Variants in GMDS observed in about 807,000 individuals in gnomAD.
GMDS encodes the protein GDP-mannose 4,6-dehydratase.
A neutral mutation model predicts 49.9 loss-of-function variants in GMDS; 20 were observed. The observed-to-expected ratio is 0.40, with a 90% CI of 0.28 to 0.58. The LOEUF is 0.58. GMDS is among the 20% of genes least tolerant of loss of function. GMDS has a pLI of 0.42. For synonymous variants in GMDS, 177 were observed against 178.6 expected (o/e 0.99, Z 0.07); for missense variants, 362 against 481.4 (o/e 0.75, Z 2.32).
intron 4 of GMDS, among the ~76,000 whole-genome samples, chr6:2,094,992 G>T (rs550275461): frequency 3.8e-4 from 58 of 152,278 alleles, no homozygotes; most frequent in South Asian, 3.5e-3. Context: ...TTCTCACTAA[G>T]AATCAAATGA....
rs192580367 is a variant in GMDS at position 1,820,456 on chromosome 6, G to A, written c.772-77870C>T. On this transcript the variant is annotated intron_variant, in intron 7 of 10. Transcript: ENST00000380815. ...ATATAAGAAATAACATTTCGGTCTG[G>A]GTATCTGACTAATGGTTATTTATGG... is the stretch of plus-strand genomic sequence containing the variant. Among the ~76,000 whole-genome samples, 6 of 152,090 alleles carry A rather than the reference G, an allele frequency of 3.9e-5. No individual in the cohort carries two copies. In the East Asian group the frequency reaches 1.2e-3, roughly 29 times the overall value.
At chr6:1,638,819 A>T (rs531072380) in intron 9 of GMDS, among the ~76,000 whole-genome samples, 1 of 152,294 alleles carries the variant, frequency 6.6e-6, no homozygotes, top group South Asian at 2.1e-4. Context: ...TAGGGTGTGG[A>T]GACTGAGGGA....
intron 4 of GMDS, among the ~76,000 whole-genome samples, chr6:2,041,591 T>C (rs1248798993): frequency 6.6e-6 from 1 of 152,110 alleles, no homozygotes; most frequent in Non-Finnish European, 1.5e-5. Flanking sequence ...TCCCTGATCC[T>C]CACCCTCCCA....
chr6:1,923,707 C>T (rs1206304733), intron 7 of GMDS, among the ~76,000 whole-genome samples: 1 of 152,200 alleles, frequency 6.6e-6, no homozygotes, highest in African/African-American at 2.4e-5. Flanking sequence ...GTCACAAGTC[C>T]AGTGAAAGGG....
At chr6:1,762,168 C>T (rs1445121518) in intron 7 of GMDS, among the ~76,000 whole-genome samples, 2 of 152,228 alleles carry the variant, frequency 1.3e-5, no homozygotes, top group Non-Finnish European at 2.9e-5. Context: ...TAACCGTCTG[C>T]ATTTATTAAG....
chr6:1,674,556 CTCTCTTTTTTTTTTTT>C (rs1294780209), intron 9 of GMDS, among the ~76,000 whole-genome samples: 1 of 85,280 alleles, frequency 1.2e-5, no homozygotes, highest in African/African-American at 3.7e-5. Flanking sequence ...CTCTCTCTCT[CTCTCTTTTTTTTTTTT>C]TTTTTTTTTT....
chr6:1,999,954 G>GTATATTATA (rs1561961538), intron 4 of GMDS, among the ~76,000 whole-genome samples: 3 of 12,276 alleles, frequency 2.4e-4, no homozygotes, highest in Non-Finnish European at 3.5e-4. Flanking sequence ...TATATAATAT[G>GTATATTATA]TATATTATAT....
At chr6:1,845,502 A>G (rs1757357783) in intron 7 of GMDS, among the ~76,000 whole-genome samples, 1 of 152,222 alleles carries the variant, frequency 6.6e-6, no homozygotes, top group Admixed American at 6.5e-5. Context: ...CATTAAATGA[A>G]TATCTAGCAT....
intron 10 of GMDS, 32 bp downstream of exon 10, chr6:1,624,440 A>G (rs753818796): frequency 3.2e-6 from 5 of 1,586,968 alleles, no homozygotes; most frequent in Non-Finnish European, 8.6e-7. Context: ...GGGGCCCCGC[A>G]GCGGGCGGCG....
At chr6:2,097,425 T>C (rs186005454) in intron 4 of GMDS, among the ~76,000 whole-genome samples, 1 of 152,094 alleles carries the variant, frequency 6.6e-6, no homozygotes, top group African/African-American at 2.4e-5. Flanking sequence ...GGGTGCAGCT[T>C]AAGTAGAAAA....
At chr6:1,888,869 A>T (rs1403263328) in intron 7 of GMDS, among the ~76,000 whole-genome samples, 1 of 152,172 alleles carries the variant, frequency 6.6e-6, no homozygotes, top group Non-Finnish European at 1.5e-5. Context: ...GGTCCCATTC[A>T]AGTCTGAAAT....
At chr6:2,086,094 T>C (rs552347169) in intron 4 of GMDS, among the ~76,000 whole-genome samples, 1 of 152,334 alleles carries the variant, frequency 6.6e-6, no homozygotes, top group African/African-American at 2.4e-5. Flanking sequence ...CTGGTTTTGA[T>C]TGTTTGCTCC....
At chr6:2,239,507 T>C (rs1251145610) in intron 1 of GMDS, among the ~76,000 whole-genome samples, 1 of 152,144 alleles carries the variant, frequency 6.6e-6, no homozygotes, top group Non-Finnish European at 1.5e-5. Flanking sequence ...AATAACCAGG[T>C]AACCCTTTCA....
intron 7 of GMDS, among the ~76,000 whole-genome samples, chr6:1,897,078 G>A (rs1267345412): frequency 1.3e-5 from 2 of 152,206 alleles, no homozygotes; most frequent in East Asian, 3.9e-4. Flanking sequence ...GGACAAGGGA[G>A]GCGAAGGCTG....
intron 4 of GMDS, among the ~76,000 whole-genome samples, chr6:2,001,731 C>A (rs1180365031): frequency 6.6e-6 from 1 of 152,168 alleles, no homozygotes; most frequent in South Asian, 2.1e-4. Flanking sequence ...CAGAAAAAAA[C>A]CCATGTGTCT....
intron 6 of GMDS, among the ~76,000 whole-genome samples, chr6:1,938,411 C>T (rs1315657822): frequency 6.6e-6 from 1 of 152,120 alleles, no homozygotes; most frequent in African/African-American, 2.4e-5. Context: ...TTAACTAGCT[C>T]GTATTTGAAA....
chr6:1,926,162 G>A (rs577274365), intron 7 of GMDS, among the ~76,000 whole-genome samples: 7 of 152,230 alleles, frequency 4.6e-5, no homozygotes, highest in East Asian at 3.9e-4. Context: ...CCAAGCCCAC[G>A]TGTGATCTGA....
At chr6:2,176,110 C>T in intron 1 of GMDS, 1 of 758,472 alleles carries the variant, frequency 1.3e-6, no homozygotes, top group Non-Finnish European at 2.1e-6. Flanking sequence ...GTGTCCAGCC[C>T]CCCTTCTACA....
At chr6:1,683,639 C>T (rs915836852) in intron 9 of GMDS, among the ~76,000 whole-genome samples, 3 of 152,140 alleles carry the variant, frequency 2.0e-5, no homozygotes, top group Non-Finnish European at 2.9e-5. Context: ...AGAAATGACA[C>T]GATACACGCA....
Sources: gnomAD v4.1 joint callset for allele counts (sites outside exome capture counted in the v4.1 genomes callset) on GRCh38, gnomAD v4.1.1 for gene constraint, MANE v1.5 for transcripts, NCBI Gene and HGNC (gene_info 2026-07-23, HGNC 2026-07-21) for gene names.